Variants in MEIS1 observed in about 807,000 individuals in gnomAD.
MEIS1 encodes homeobox protein Meis1.
Under a neutral mutation model 50.8 loss-of-function variants are expected in MEIS1, and 5 were observed. The observed-to-expected ratio is 0.10, with a 90% CI of 0.05 to 0.21. The LOEUF (loss-of-function observed/expected upper bound fraction) is 0.21. Ranked by LOEUF, MEIS1 falls within the 10% of genes least tolerant of loss-of-function variation. MEIS1 has a pLI of 1.00. For missense variants in MEIS1, 318 were observed against 517.3 expected, an observed-to-expected ratio of 0.61 and a Z score of 3.74; for synonymous variants, 176 against 179.3, an observed-to-expected ratio of 0.98 and a Z score of 0.15.
intron 6 of MEIS1, among the ~76,000 whole-genome samples, chr2:66,452,624 A>G (rs1672300937): frequency 6.6e-6 from 1 of 151,972 alleles, no homozygotes; most frequent in Admixed American, 6.5e-5. Context: ...ATTGATCTTG[A>G]TGATAAATTA....
chr2:66,555,890 T>C (rs1290833018), intron 9 of MEIS1, among the ~76,000 whole-genome samples: 2 of 152,098 alleles, frequency 1.3e-5, no homozygotes, highest in Non-Finnish European at 2.9e-5. Flanking sequence ...AAAAATGGAG[T>C]GGAGCCAGGG....
chr2:66,478,552 C>G (rs546702419), intron 7 of MEIS1, among the ~76,000 whole-genome samples: 1 of 152,304 alleles, frequency 6.6e-6, no homozygotes, highest in African/African-American at 2.4e-5. Flanking sequence ...TATCAGTGAG[C>G]TTCATGATGA....
intron 7 of MEIS1, among the ~76,000 whole-genome samples, chr2:66,505,130 G>A (rs959030578): frequency 2.0e-5 from 3 of 152,234 alleles, no homozygotes; most frequent in African/African-American, 4.8e-5. Flanking sequence ...AGACCTAAGG[G>A]GTTGGCCAGA....
At chr2:66,447,809 C>T (rs910943085) in intron 6 of MEIS1, among the ~76,000 whole-genome samples, 1 of 152,132 alleles carries the variant, frequency 6.6e-6, no homozygotes, top group African/African-American at 2.4e-5. Context: ...AAATCCTTTG[C>T]GTAGCTTCCC....
chr2:66,489,460 C>T (rs7563565), intron 7 of MEIS1, among the ~76,000 whole-genome samples: 23,867 of 152,078 alleles, frequency 0.16, 4,483 homozygotes, highest in African/African-American at 0.45. Context: ...TTATTGTTGG[C>T]CACACTTTAG....
At chr2:66,557,486 T>C (rs553888840) in intron 9 of MEIS1, among the ~76,000 whole-genome samples, 107 of 152,304 alleles carry the variant, frequency 7.0e-4, no homozygotes, top group African/African-American at 2.5e-3. Context: ...ACTTTCTGTC[T>C]CTATATTTGC....
chr2:66,571,195 T>C, intron 12 of MEIS1, 51 bp from the exon 13 acceptor site: 1 of 1,536,972 alleles, frequency 6.5e-7, no homozygotes, highest in South Asian at 1.2e-5. Flanking sequence ...ACCACACTAT[T>C]GCTTTTTCAT....
chr2:66,517,982 A>C (rs1674011093), intron 8 of MEIS1, among the ~76,000 whole-genome samples: 1 of 152,168 alleles, frequency 6.6e-6, no homozygotes, highest in Non-Finnish European at 1.5e-5. Context: ...AGATCAAAGG[A>C]GAAGCATCAG....
chr2:66,531,867 A>G (rs1674399791), intron 8 of MEIS1, among the ~76,000 whole-genome samples: 1 of 152,024 alleles, frequency 6.6e-6, no homozygotes, highest in Admixed American at 6.5e-5. Flanking sequence ...ATCACTCGAC[A>G]TCCTGTGTGT....
At chr2:66,559,530 G>A (rs897043066) in intron 9 of MEIS1, among the ~76,000 whole-genome samples, 1 of 152,106 alleles carries the variant, frequency 6.6e-6, no homozygotes, top group Non-Finnish European at 1.5e-5. Flanking sequence ...TGTGAATATG[G>A]AAAAATTGGA....
chr2:66,558,641 A>G (rs1451424710), intron 9 of MEIS1, among the ~76,000 whole-genome samples: 2 of 152,168 alleles, frequency 1.3e-5, no homozygotes, highest in African/African-American at 4.8e-5. Flanking sequence ...AATCATCTTC[A>G]TTGTGCCATT....
intron 8 of MEIS1, among the ~76,000 whole-genome samples, chr2:66,538,092 G>C (rs985522917): frequency 6.6e-6 from 1 of 152,176 alleles, no homozygotes; most frequent in Non-Finnish European, 1.5e-5. Flanking sequence ...TGAAGTTAGA[G>C]AGTAGGAAGG....
At chr2:66,510,366 C>T (rs1673796998) in intron 7 of MEIS1, among the ~76,000 whole-genome samples, 1 of 152,108 alleles carries the variant, frequency 6.6e-6, no homozygotes, top group Non-Finnish European at 1.5e-5. Flanking sequence ...CCCAGTAGTT[C>T]CATGCCAGGG....
rs1159543363 is a variant in MEIS1 at position 66,571,499 on chromosome 2, T to G, written c.*291T>G. On this transcript the variant is annotated 3_prime_UTR_variant, in exon 13 of 13. Transcript: ENST00000272369. ...TTAATACAGGAGACCCAACAATGAG[T>G]GGACAAGTCATGGACATTCATGCTC... The G allele has an allele frequency of 3.2e-6, 5 of 1,580,062 alleles. No homozygotes were observed. Among genetic ancestry groups the G allele is most frequent in the Non-Finnish European group, 4.3e-6 (5 of 1,163,668 alleles).
intron 7 of MEIS1, among the ~76,000 whole-genome samples, chr2:66,477,851 A>G (rs1374244541): frequency 6.6e-6 from 1 of 151,960 alleles, no homozygotes; most frequent in Non-Finnish European, 1.5e-5. Context: ...CTTTCTATGT[A>G]GAGTCTTCAG....
Position 66,501,160 on chromosome 2 carries a change from A to T in MEIS1, c.743-10989A>T, listed in dbSNP as rs866153761. 8.8e-4 allele frequency among the ~76,000 whole-genome samples: 134 copies of T among 152,310 alleles called. 1 individual carries two copies. The highest frequency in any genetic ancestry group is 3.1e-3 in the African/African-American group (127 of 41,564). On this transcript the variant is annotated intron_variant, in intron 7 of 12. Transcript: ENST00000272369. ...GAACTAGCATTATTAAAATAATTTT[A>T]AAAAATAGGCAAGGTACTAGTTCTG...
chr2:66,522,087 G>A (rs1674136582), intron 8 of MEIS1, among the ~76,000 whole-genome samples: 1 of 152,214 alleles, frequency 6.6e-6, no homozygotes, highest in African/African-American at 2.4e-5. Context: ...GCCTAATACT[G>A]TACGAACTTG....
intron 7 of MEIS1, among the ~76,000 whole-genome samples, chr2:66,503,361 G>A (rs556035841): frequency 6.6e-6 from 1 of 152,246 alleles, no homozygotes; most frequent in South Asian, 2.1e-4. Flanking sequence ...GGTATATGCT[G>A]TTCCTTTGGC....
intron 8 of MEIS1, among the ~76,000 whole-genome samples, chr2:66,519,809 T>A (rs1357233908): frequency 2.0e-5 from 3 of 152,204 alleles, no homozygotes; most frequent in Non-Finnish European, 4.4e-5. Context: ...TTTAGAAATA[T>A]TCTGAAATAG....
Sources: allele counts gnomAD v4.1 joint callset (sites outside exome capture counted in the v4.1 genomes callset), GRCh38; gene constraint gnomAD v4.1.1; transcripts MANE v1.5; gene names NCBI Gene and HGNC (gene_info 2026-07-23, HGNC 2026-07-21).